PHACTR4: variants seen among roughly 807,000 people sequenced by gnomAD.
PHACTR4 encodes phosphatase and actin regulator 4, also known as protein phosphatase 1, regulatory subunit 124.
Under a neutral mutation model 72.7 loss-of-function variants are expected in PHACTR4, and 51 were observed. The observed-to-expected ratio is 0.70, with a 90% CI of 0.56 to 0.89. PHACTR4 has a LOEUF of 0.89. PHACTR4 is among the 40% of genes least tolerant of loss of function. The probability of loss-of-function intolerance (pLI) is 0.00; values close to 1 mark genes in which losing one functional copy is unlikely to be tolerated. For synonymous variants in PHACTR4, 255 were observed against 302.5 expected (o/e 0.84, Z 1.63); for missense variants, 731 against 861.8 (o/e 0.85, Z 1.90).
intron 12 of PHACTR4, among the ~76,000 whole-genome samples, chr1:28,492,675 G>A (rs186640029): frequency 3.1e-4 from 47 of 152,024 alleles, no homozygotes; most frequent in Admixed American, 1.3e-3. Context: ...CAGGAGAATC[G>A]CCTGAACCCA....
chr1:28,377,575 G>C (rs1442548728), intron 1 of PHACTR4, among the ~76,000 whole-genome samples: 1 of 152,038 alleles, frequency 6.6e-6, no homozygotes, highest in Non-Finnish European at 1.5e-5. Context: ...TAGGCCAGGA[G>C]TGGTGGCTGC....
intron 2 of PHACTR4, among the ~76,000 whole-genome samples, chr1:28,408,988 C>T (rs963756305): frequency 6.6e-6 from 1 of 151,850 alleles, no homozygotes; most frequent in South Asian, 2.1e-4. Context: ...CCTAATATTT[C>T]TAATTAAGTT....
chr1:28,382,788 T>G (rs1652286813), intron 1 of PHACTR4, among the ~76,000 whole-genome samples: 1 of 151,918 alleles, frequency 6.6e-6, no homozygotes, highest in African/African-American at 2.4e-5. Flanking sequence ...CAGCACTGTT[T>G]ATTATTATTA....
rs34122928 is a variant in PHACTR4, at chr1:28,436,486, C to T, written c.17-22599C>T. On this transcript the variant is annotated intron_variant, in intron 2 of 13. Transcript: ENST00000373839. ...AGACACAGGATTTGACCTTACTAGC[C>T]CTAGTTTTCTTACCTGAAAATAGGG... is the stretch of plus-strand genomic sequence containing the variant. Among the ~76,000 whole-genome samples the T allele has an allele frequency of 5.0e-3, 756 of 152,068 alleles. 5 individuals carry two copies. Among genetic ancestry groups the T allele is most frequent in the African/African-American group, 0.017 (708 of 41,478 alleles).
intron 13 of PHACTR4, among the ~76,000 whole-genome samples, chr1:28,495,812 T>C (rs1019156961): frequency 5.3e-5 from 8 of 151,780 alleles, no homozygotes; most frequent in Non-Finnish European, 7.4e-5. Context: ...AGACAGGGTC[T>C]CCGTATGTTG....
intron 2 of PHACTR4, among the ~76,000 whole-genome samples, chr1:28,449,455 T>C (rs1376211353): frequency 1.3e-5 from 2 of 152,212 alleles, no homozygotes; most frequent in East Asian, 3.8e-4. Flanking sequence ...TCCATCAAGT[T>C]ATGCAGGTAT....
rs187537277 is a variant in PHACTR4 at position 28,393,004 on chromosome 1, G to A, written c.-38-14406G>A. Among the ~76,000 whole-genome samples the A allele has an allele frequency of 5.3e-5, 8 of 152,206 alleles. No homozygotes were observed. In the East Asian group the frequency reaches 5.8e-4, roughly 11 times the overall value. ...GTGGGTGGGAGACATGAACAAAAAC[G>A]TACTTTGATTGAGTGCAATTGGATT... On this transcript the variant is annotated intron_variant, in intron 1 of 13. Transcript: ENST00000373839.
intron 1 of PHACTR4, among the ~76,000 whole-genome samples, chr1:28,390,383 C>T (rs969982184): frequency 6.6e-6 from 1 of 152,168 alleles, no homozygotes; most frequent in Non-Finnish European, 1.5e-5. Context: ...TCTCATATAC[C>T]TATATTAACA....
At chr1:28,493,999 A>C (rs949632407) in intron 13 of PHACTR4, among the ~76,000 whole-genome samples, 1 of 152,190 alleles carries the variant, frequency 6.6e-6, no homozygotes, top group Non-Finnish European at 1.5e-5. Flanking sequence ...ACCCATATCC[A>C]AAGAATCAGC....
intron 1 of PHACTR4, among the ~76,000 whole-genome samples, chr1:28,391,942 A>G (rs1032810580): frequency 9.9e-5 from 15 of 151,986 alleles, no homozygotes; most frequent in Non-Finnish European, 5.9e-5. Flanking sequence ...AATTGCTGAG[A>G]GTAGATTTTA....
At chr1:28,450,974 C>CTTTTTTTTTTTTTTTTTTTTGT (rs1657920018) in intron 2 of PHACTR4, among the ~76,000 whole-genome samples, 1 of 72,076 alleles carries the variant, frequency 1.4e-5, no homozygotes, top group Non-Finnish European at 2.7e-5. Context: ...CCACACCCAG[C>CTTTTTTTTTTTTTTTTTTTTGT]TTTTTTTTTT....
intron 2 of PHACTR4, among the ~76,000 whole-genome samples, chr1:28,421,479 A>G (rs1655510237): frequency 1.3e-5 from 2 of 151,510 alleles, no homozygotes; most frequent in African/African-American, 4.9e-5. Context: ...ATCTATAGCT[A>G]TAGCTTTCCT....
chr1:28,480,797 T>A (rs1215686731), intron 9 of PHACTR4, among the ~76,000 whole-genome samples, 193 bp downstream of exon 9: 1 of 151,662 alleles, frequency 6.6e-6, no homozygotes, highest in Non-Finnish European at 1.5e-5. Flanking sequence ...CGAGCAATTC[T>A]CCTGCATCAG....
chr1:28,420,643 TAAAAG>T (rs1655451492), intron 2 of PHACTR4, among the ~76,000 whole-genome samples: 1 of 152,106 alleles, frequency 6.6e-6, no homozygotes, highest in Non-Finnish European at 1.5e-5. Flanking sequence ...TGTCTCAAAA[TAAAAG>T]AGGATTGTTA....
At chr1:28,380,685 T>C (rs1365930100) in intron 1 of PHACTR4, among the ~76,000 whole-genome samples, 1 of 152,216 alleles carries the variant, frequency 6.6e-6, no homozygotes, top group African/African-American at 2.4e-5. Context: ...TGTTGTTTTT[T>C]ATGGTGGCAT....
At chr1:28,468,491 C>G (rs1659359906) in intron 6 of PHACTR4, among the ~76,000 whole-genome samples, 1 of 152,104 alleles carries the variant, frequency 6.6e-6, no homozygotes, top group Non-Finnish European at 1.5e-5. Context: ...ACTCGGGAGG[C>G]TGAAGCAGGA....
chr1:28,462,180 GTATTT>G (rs756988957), intron 4 of PHACTR4, among the ~76,000 whole-genome samples: 2 of 151,902 alleles, frequency 1.3e-5, no homozygotes, highest in Admixed American at 6.6e-5. Flanking sequence ...GCTAATTTTT[GTATTT>G]TTAGTAGAGT....
chr1:28,487,238 C>T (rs899394852), intron 9 of PHACTR4, among the ~76,000 whole-genome samples: 4 of 151,494 alleles, frequency 2.6e-5, no homozygotes, highest in East Asian at 1.9e-4. Context: ...TGGTGGCACG[C>T]GCCTATAGTC....
chr1:28,476,249 A>G lies in PHACTR4; in HGVS notation c.1564A>G (p.Ile522Val). 6.2e-7 allele frequency: 1 copy of G among 1,612,258 alleles called. No homozygotes were observed. The highest frequency in any genetic ancestry group is 8.5e-7 in the Non-Finnish European group (1 of 1,179,486). The change falls in exon 8 of 14, where the codon ATT (isoleucine) becomes GTT (valine). Residue 522 changes from isoleucine to valine, a missense_variant. This residue lies in a region of PHACTR4 where 621 missense variants were observed against 676.6 expected (regional missense o/e 0.92). Coordinates refer to ENST00000373839, the MANE Select transcript of PHACTR4 (RefSeq NM_001048183.3). ...KESDSDSEGPIQYRDEEDEDE... is the reference protein window; with the variant it reads ...KESDSDSEGPVQYRDEEDEDE... ...GAGCGACTCTGATTCAGAAGGTCCC[A>G]TTCAGTACCGAGATGAAGAAGATGA...
Sources: gnomAD v4.1 joint callset for allele counts (sites outside exome capture counted in the v4.1 genomes callset) on GRCh38, gnomAD v4.1.1 for gene constraint, gnomAD v4.1.1 regional missense constraint, MANE v1.5 for transcripts, NCBI Gene and HGNC (gene_info 2026-07-23, HGNC 2026-07-21) for gene names.